The following USP12 variants were observed in gnomAD, a reference collection of about 807,000 sequenced individuals.
The protein encoded by USP12 is ubiquitin specific peptidase 12.
USP12 carries 19 observed loss-of-function variants against 45.5 expected under a neutral mutation model. That is an observed-to-expected ratio of 0.42 (90% CI 0.29 to 0.61). USP12 has a LOEUF of 0.61. Ranked by LOEUF, USP12 falls within the 20% of genes least tolerant of loss-of-function variation. The pLI is 0.22. For missense variants in USP12, 242 were observed against 447.7 expected (o/e 0.54, Z 4.15); for synonymous variants, 149 against 148.8 (o/e 1.00, Z -0.01).
At chr13:27,115,911 T>C (rs933307620) in intron 2 of USP12, among the ~76,000 whole-genome samples, 2 of 152,226 alleles carry the variant, frequency 1.3e-5, no homozygotes, top group African/African-American at 4.8e-5. Flanking sequence ...AGAGATCACT[T>C]AGACTAGGCT....
Position 27,095,684 on chromosome 13 carries a change from T to C in USP12, c.490A>G (p.Asn164Asp). ...ACCCACGTTGGGTCTGGTGTGCTGTTATTATTTTCATTATCAATATTACCA... is the reference window on the plus strand; with the variant it reads ...ACCCACGTTGGGTCTGGTGTGCTGTCATTATTTTCATTATCAATATTACCA... ...PNGNIDNENN[N>D]STPDPTWVHE... is the part of the protein sequence containing the mutation. Residue 164 changes from asparagine to aspartate, a missense_variant, in exon 4 of 9, where the codon AAC (asparagine) becomes GAC (aspartate). By Grantham distance (23) the Asn-to-Asp change is conservative. Around this residue, in one of 5 missense-constraint regions of USP12, gnomAD observed 40 missense variants for 38.6 expected, o/e 1.04. Coordinates refer to ENST00000282344, the MANE Select transcript of USP12 (RefSeq NM_182488.4). 1 of 1,613,344 alleles carries C rather than the reference T, an allele frequency of 6.2e-7. No individual in the cohort carries two copies. Among genetic ancestry groups the C allele is most frequent in the Non-Finnish European group, 8.5e-7 (1 of 1,179,588 alleles).
chr13:27,100,123 G>A (rs182066895), intron 3 of USP12, among the ~76,000 whole-genome samples: 1 of 152,312 alleles, frequency 6.6e-6, no homozygotes, highest in Admixed American at 6.5e-5. Context: ...GTCATGCATA[G>A]AACCTTGCGT....
At chr13:27,097,926 A>C (rs1042424201) in intron 3 of USP12, among the ~76,000 whole-genome samples, 1 of 152,122 alleles carries the variant, frequency 6.6e-6, no homozygotes, top group African/African-American at 2.4e-5. Context: ...TCAAATCTAA[A>C]CATGAAATTC....
At chr13:27,158,649 A>G (rs1326178456) in intron 1 of USP12, among the ~76,000 whole-genome samples, 1 of 152,174 alleles carries the variant, frequency 6.6e-6, no homozygotes, top group Non-Finnish European at 1.5e-5. Flanking sequence ...CATGTCTCTA[A>G]ACACATCTAA....
chr13:27,108,665 T>C (rs1875272825), intron 2 of USP12, among the ~76,000 whole-genome samples: 1 of 152,132 alleles, frequency 6.6e-6, no homozygotes, highest in Admixed American at 6.5e-5. Flanking sequence ...AAATTTAAAA[T>C]GACATTTTAG....
chr13:27,144,144 A>G (rs1296509608), intron 1 of USP12, among the ~76,000 whole-genome samples: 1 of 151,894 alleles, frequency 6.6e-6, no homozygotes, highest in Non-Finnish European at 1.5e-5. Context: ...CTGAAGTTGG[A>G]GCCGAGACTG....
At chr13:27,098,373 A>G (rs1317592917) in intron 3 of USP12, among the ~76,000 whole-genome samples, 3 of 151,844 alleles carry the variant, frequency 2.0e-5, no homozygotes, top group African/African-American at 7.3e-5. Context: ...ATTTAAAAAA[A>G]AACCCTTTAC....
intron 4 of USP12, 98 bp downstream of exon 4, chr13:27,095,503 C>T: frequency 1.1e-6 from 1 of 897,252 alleles, no homozygotes; most frequent in Non-Finnish European, 1.6e-6. Flanking sequence ...CTAAGAATTA[C>T]AACTTTCAAG....
chr13:27,145,407 C>A (rs1432050965), intron 1 of USP12, among the ~76,000 whole-genome samples: 1 of 152,194 alleles, frequency 6.6e-6, no homozygotes, highest in African/African-American at 2.4e-5. Context: ...AAGCTCCCAA[C>A]AACTGACTTT....
intron 1 of USP12, among the ~76,000 whole-genome samples, chr13:27,148,663 CAA>C (rs1307678724): frequency 2.4e-5 from 2 of 84,940 alleles, no homozygotes; most frequent in Admixed American, 1.5e-4. Flanking sequence ...GACAGAGACT[CAA>C]AAAAAAAAAA....
chr13:27,144,526 T>C (rs1593206433), intron 1 of USP12, among the ~76,000 whole-genome samples: 1 of 138,910 alleles, frequency 7.2e-6, no homozygotes, highest in African/African-American at 2.7e-5. Flanking sequence ...AAAAAGGTGG[T>C]AGGTCAACTT....
At chr13:27,085,929 G>T (rs978940634) in intron 6 of USP12, among the ~76,000 whole-genome samples, 1 of 151,932 alleles carries the variant, frequency 6.6e-6, no homozygotes, top group Admixed American at 6.6e-5. Context: ...TACACCAGAG[G>T]CTGAGGCAGG....
intron 1 of USP12, among the ~76,000 whole-genome samples, chr13:27,121,099 C>T (rs1371413338): frequency 1.3e-5 from 2 of 151,982 alleles, no homozygotes; most frequent in South Asian, 2.1e-4. Context: ...AGCATGAAGC[C>T]GAGATCTCTA....
chr13:27,101,695 C>T (rs1874867772), intron 3 of USP12, among the ~76,000 whole-genome samples: 1 of 152,146 alleles, frequency 6.6e-6, no homozygotes, highest in African/African-American at 2.4e-5. Context: ...AGGTTATGTT[C>T]TCCTCATAAT....
chr13:27,151,383 T>G (rs1877561798), intron 1 of USP12, among the ~76,000 whole-genome samples: 1 of 152,072 alleles, frequency 6.6e-6, no homozygotes, highest in Non-Finnish European at 1.5e-5. Context: ...ATTTTGTGCT[T>G]CAAATGGCAC....
chr13:27,121,755 G>T (rs1316646832), intron 1 of USP12, among the ~76,000 whole-genome samples: 1 of 152,064 alleles, frequency 6.6e-6, no homozygotes, highest in Non-Finnish European at 1.5e-5. Context: ...CAGCTACTCA[G>T]GAGGCTGAAG....
chr13:27,150,043 A>G (rs1420239422), intron 1 of USP12, among the ~76,000 whole-genome samples: 1 of 152,208 alleles, frequency 6.6e-6, no homozygotes, highest in African/African-American at 2.4e-5. Context: ...GGGTGACTAT[A>G]ATTAACAACA....
chr13:27,139,637 C>A (rs533785229), intron 1 of USP12, among the ~76,000 whole-genome samples: 9 of 152,232 alleles, frequency 5.9e-5, no homozygotes, highest in Non-Finnish European at 1.2e-4. Flanking sequence ...AATATAGTCA[C>A]TCTTGTATAA....
intron 1 of USP12, among the ~76,000 whole-genome samples, chr13:27,163,950 T>C (rs1190872530): frequency 6.6e-6 from 1 of 152,058 alleles, no homozygotes; most frequent in Non-Finnish European, 1.5e-5. Flanking sequence ...ACACACTGAA[T>C]GGGAAGTTCC....
Sources: gnomAD v4.1 joint callset for allele counts (sites outside exome capture counted in the v4.1 genomes callset) on GRCh38, gnomAD v4.1.1 for gene constraint, gnomAD v4.1.1 regional missense constraint, MANE v1.5 for transcripts, NCBI Gene and HGNC (gene_info 2026-07-23, HGNC 2026-07-21) for gene names.